EMX1: variants seen among roughly 807,000 people sequenced by gnomAD.
EMX1 encodes the protein empty spiracles homeobox 1.
A neutral mutation model predicts 20.1 loss-of-function variants in EMX1; 10 were observed. The observed-to-expected ratio is 0.50, with a 90% CI of 0.31 to 0.84. The LOEUF (loss-of-function observed/expected upper bound fraction) is 0.84. Ranked by LOEUF, EMX1 falls within the 40% of genes least tolerant of loss-of-function variation. The pLI, the probability that EMX1 is intolerant of heterozygous loss-of-function variation, is 0.05. For missense variants in EMX1, 424 were observed against 431.9 expected, an observed-to-expected ratio of 0.98 and a Z score of 0.16; for synonymous variants, 250 against 200.4, an observed-to-expected ratio of 1.25 and a Z score of -2.09.
At position 72,917,605 on chromosome 2, in the gene EMX1, C is replaced by T; in HGVS notation, c.-248C>T. The T allele has an allele frequency of 4.4e-6, 1 of 224,836 alleles. No individual in the cohort carries two copies. Among genetic ancestry groups the T allele is most frequent in the Non-Finnish European group, 8.5e-6 (1 of 117,736 alleles). 13.9% of individuals were successfully genotyped at this position (224,836 alleles called of 1,614,324 possible). On this transcript the variant is annotated 5_prime_UTR_variant, in exon 1 of 3. Coordinates refer to ENST00000258106, the MANE Select transcript of EMX1 (RefSeq NM_004097.3). ...GCTGGGGTCGGTCCCAGCGGGACTC[C>T]GAAAGGAGGGAGACGAGCTCAACCC... is the stretch of plus-strand genomic sequence containing the variant.
chr2:72,921,034 C>T (rs973438904), intron 1 of EMX1, among the ~76,000 whole-genome samples: 3 of 152,186 alleles, frequency 2.0e-5, no homozygotes, highest in Admixed American at 6.5e-5. Context: ...GCCCTAGGGC[C>T]CTCCGCCCAG....
intron 1 of EMX1, among the ~76,000 whole-genome samples, chr2:72,919,736 T>C (rs529917195): frequency 6.6e-6 from 1 of 151,744 alleles, no homozygotes; most frequent in African/African-American, 2.4e-5. Context: ...GTGGGTAGCC[T>C]TGCCTCCTCT....
intron 2 of EMX1, among the ~76,000 whole-genome samples, chr2:72,929,221 G>A (rs1464210482): frequency 2.6e-5 from 4 of 152,212 alleles, no homozygotes; most frequent in Admixed American, 2.6e-4. Context: ...TGTTCCAGGA[G>A]TCCTGTGTGG....
chr2:72,923,301 TGG>T (rs1671133370), intron 1 of EMX1: 1 of 152,184 alleles, frequency 6.6e-6, no homozygotes, highest in Non-Finnish European at 1.5e-5. Flanking sequence ...GTAGGGAGGC[TGG>T]AACATATATT....
At chr2:72,926,111 C>T in intron 2 of EMX1, 1 of 984,410 alleles carries the variant, frequency 1.0e-6, no homozygotes. Context: ...ATTTTAATTG[C>T]AGAACTGTAA....
upstream of EMX1, chr2:72,917,509 G>T: frequency 5.4e-6 from 1 of 186,194 alleles, no homozygotes; most frequent in Non-Finnish European, 1.1e-5. Context: ...GCGCGGGGCA[G>T]GTGCCCGCTA....
chr2:72,921,438 C>G (rs117773828), intron 1 of EMX1, among the ~76,000 whole-genome samples: 2 of 152,198 alleles, frequency 1.3e-5, no homozygotes, highest in Non-Finnish European at 2.9e-5. Flanking sequence ...GGAAACTGAA[C>G]CCCTGGTAGG....
intron 1 of EMX1, among the ~76,000 whole-genome samples, chr2:72,920,363 G>T (rs369531198): frequency 8.5e-5 from 13 of 152,354 alleles, no homozygotes; most frequent in Admixed American, 2.0e-4. Flanking sequence ...GAGTCTGGAC[G>T]CGGAGATGGA....
chr2:72,926,425 TCTGTA>T (rs1320736749), intron 2 of EMX1: 7 of 531,866 alleles, frequency 1.3e-5, no homozygotes. Flanking sequence ...CTTCTTCCCG[TCTGTA>T]AATGAGCTGC....
At position 72,933,661 on chromosome 2, in the gene EMX1, G is replaced by T. The variant is rs984026355; in HGVS notation, c.706-126G>T. On this transcript the variant is annotated intron_variant, in intron 2 of 2. Coordinates refer to ENST00000258106, the MANE Select transcript of EMX1 (RefSeq NM_004097.3). ...TGGTCAGAGGGGACCCCGGCCTGGG[G>T]CCCCTAACCCTATGTAGCCTCAGTC... is the stretch of plus-strand genomic sequence containing the variant. 7 of 1,301,022 alleles carry T rather than the reference G, an allele frequency of 5.4e-6. No homozygotes were observed. The African/African-American group carries it at 1.0e-4, about 19-fold the overall frequency. 80.6% of individuals were successfully genotyped at this position (1,301,022 alleles called of 1,614,324 possible).
At chr2:72,922,099 A>G (rs1327834792) in intron 1 of EMX1, among the ~76,000 whole-genome samples, 1 of 152,196 alleles carries the variant, frequency 6.6e-6, no homozygotes, top group Non-Finnish European at 1.5e-5. Context: ...ACTTCTGACC[A>G]ACCTGGGCCA....
chr2:72,927,169 T>C (rs1671219084), intron 2 of EMX1, among the ~76,000 whole-genome samples: 2 of 152,258 alleles, frequency 1.3e-5, no homozygotes, highest in African/African-American at 4.8e-5. Context: ...TTCCTAACAA[T>C]AAGAACTATT....
Position 72,930,056 on chromosome 2 carries a change from T to C in EMX1, c.706-3731T>C, listed in dbSNP as rs560516033. Among the ~76,000 whole-genome samples the C allele has an allele frequency of 2.0e-5, 3 of 152,348 alleles. No homozygotes were observed. The highest frequency in any genetic ancestry group is 4.4e-5 in the Non-Finnish European group (3 of 68,028). On this transcript the variant is annotated intron_variant, in intron 2 of 2. Coordinates refer to ENST00000258106, the MANE Select transcript of EMX1 (RefSeq NM_004097.3). This position sits in a 1 kb window ranked among gnomAD's most constrained non-coding sequence, Gnocchi z 4.4. ...AGAAAAAGATCCAGTTTCTCCATCA[T>C]TGAGCACTTCTCAAAGCCTTTGCTG...
At chr2:72,920,204 C>A (rs963320920) in intron 1 of EMX1, among the ~76,000 whole-genome samples, 4 of 152,182 alleles carry the variant, frequency 2.6e-5, no homozygotes, top group African/African-American at 9.7e-5. Flanking sequence ...GGAGAGAAAT[C>A]CAGCTCCGGC....
At chr2:72,926,996 A>C (rs1389589855) in intron 2 of EMX1, among the ~76,000 whole-genome samples, 1 of 151,766 alleles carries the variant, frequency 6.6e-6, no homozygotes, top group Non-Finnish European at 1.5e-5. Context: ...CCCCCCTGCC[A>C]TGCATTTCTA....
At position 72,924,467 on chromosome 2, in the gene EMX1, G is replaced by C. The variant is rs963854355; in HGVS notation, c.679G>C (p.Gly227Arg). The stretch of plus-strand genomic sequence containing the variant: ...GGGCGCCGAGCGGAAGCAGCTGGCC[G>C]GCAGTCTCAGCCTCTCCGAGACGCA... ...VVGAERKQLA[G>R]SLSLSETQVK... The change falls in exon 2 of 3, where the codon GGC becomes CGC. Residue 227 changes from glycine to arginine, a missense_variant. Transcript: ENST00000258106. The C allele has an allele frequency of 1.9e-6, 3 of 1,594,788 alleles. No individual in the cohort carries two copies. Among genetic ancestry groups the C allele is most frequent in the Admixed American group, 1.7e-5 (1 of 59,208 alleles).
chr2:72,923,993 T>G, intron 1 of EMX1: 73 of 481,286 alleles, frequency 1.5e-4, no homozygotes, highest in Non-Finnish European at 1.6e-4. Context: ...GCCCCAGGCA[T>G]TGTGAATGTG....
intron 1 of EMX1, among the ~76,000 whole-genome samples, chr2:72,921,304 C>G (rs75968721): frequency 0.026 from 3,953 of 152,268 alleles, 166 homozygotes; most frequent in African/African-American, 0.089. Flanking sequence ...TATACCAGTC[C>G]CTTTCCACTT....
chr2:72,932,302 C>T (rs540685641), intron 2 of EMX1, among the ~76,000 whole-genome samples: 6 of 152,244 alleles, frequency 3.9e-5, no homozygotes, highest in Admixed American at 1.3e-4. Context: ...CTGCCCTCTG[C>T]ACCTCCTCCC....
Sources: allele counts gnomAD v4.1 joint callset (sites outside exome capture counted in the v4.1 genomes callset), GRCh38; gene constraint gnomAD v4.1.1; non-coding constraint Gnocchi (gnomAD v3.1); transcripts MANE v1.5; gene names NCBI Gene and HGNC (gene_info 2026-07-23, HGNC 2026-07-21).